The following THBS2 variants were observed in gnomAD, a reference collection of about 807,000 sequenced individuals.
THBS2 encodes the protein thrombospondin 2.
Under a neutral mutation model 135.2 loss-of-function variants are expected in THBS2, and 47 were observed. The ratio of observed to expected loss-of-function variants is 0.35; its 90% CI spans 0.28 to 0.44. The LOEUF (loss-of-function observed/expected upper bound fraction) is 0.44. Among genes scored for constraint, THBS2 ranks in the 20% least tolerant of loss-of-function variants. THBS2 has a pLI of 1.00. For missense variants in THBS2, 1,288 were observed against 1,603.1 expected (o/e 0.80, Z 3.36); for synonymous variants, 639 against 633.8 (o/e 1.01, Z -0.12).
At chr6:169,245,651 G>A (rs555540761) in intron 4 of THBS2, among the ~76,000 whole-genome samples, 12 of 152,112 alleles carry the variant, frequency 7.9e-5, no homozygotes, top group African/African-American at 2.9e-4. Context: ...AATTAGCTGG[G>A]TGTGGTGGCG....
At chr6:169,226,676 C>A (rs1779641943) in intron 15 of THBS2, among the ~76,000 whole-genome samples, 1 of 152,088 alleles carries the variant, frequency 6.6e-6, no homozygotes, top group Non-Finnish European at 1.5e-5. Context: ...CATCCATGCA[C>A]ATGAGTAGGA....
chr6:169,220,066 CAT>C lies in THBS2; in HGVS notation c.3511+130_3511+131del, dbSNP rs201735541. On this transcript the variant is annotated intron_variant, in intron 21 of 21. Transcript: ENST00000617924. The stretch of plus-strand genomic sequence containing the variant: ...GGCTGCTTGGAATGTGCAGGGGGCT[CAT>C]GTGTGGTATTGTGCATTAGGTTTAT... 2,146 of 1,171,492 alleles carry C rather than the reference CAT, an allele frequency of 1.8e-3. 28 individuals are homozygous for C. The African/African-American group carries it at 0.03, about 16-fold the overall frequency. The allele number at this position is 1,171,492 out of a possible 1,614,324, so 72.6% of individuals were successfully genotyped here. A position where few individuals can be genotyped will look rare whatever the true frequency, so the allele number is the denominator to read the frequency against.
Position 169,222,308 on chromosome 6 carries a change from G to A in THBS2, c.3162C>T (p.Pro1054=). The A allele has an allele frequency of 6.2e-7, 1 of 1,613,524 alleles. No individual in the cohort carries two copies. The highest frequency in any genetic ancestry group is 8.5e-7 in the Non-Finnish European group (1 of 1,180,036). ...QVTQTYWEDQ[P]TRAYGYSGVS... is the part of the protein sequence containing the mutation. ...CGCCGGAGTAGCCATAGGCCCGCGT[G>A]GGCTGGTCCTCCCAGTAGGTCTGCG... Residue 1054 remains proline, a synonymous_variant, in exon 19 of 22, where the codon CCC becomes CCT. Transcript: ENST00000617924.
intron 9 of THBS2, among the ~76,000 whole-genome samples, chr6:169,236,344 CCCCATCCACACTCCCCATCCACACTCACT>C (rs1780068705): frequency 1.7e-5 from 2 of 119,116 alleles, no homozygotes; most frequent in East Asian, 3.2e-4. Flanking sequence ...CACACTCACT[CCCCATCCACACTCCCCATCCACACTCACT>C]CCCATCCACA....
At chr6:169,236,223 AC>A (rs1780055461) in intron 9 of THBS2, among the ~76,000 whole-genome samples, 1 of 58,926 alleles carries the variant, frequency 1.7e-5, no homozygotes, top group Admixed American at 2.0e-4. Flanking sequence ...ATCCACACTC[AC>A]TCCCCATCCA....
chr6:169,238,494 C>T (rs543950589), intron 7 of THBS2, among the ~76,000 whole-genome samples: 74 of 152,322 alleles, frequency 4.9e-4, no homozygotes, highest in Non-Finnish European at 1.5e-4. Flanking sequence ...CTCCTGATAA[C>T]ATAAAATGTC....
chr6:169,223,261 G>A lies in THBS2; in HGVS notation c.2988C>T (p.Pro996=), dbSNP rs200242239. 1.1e-4 allele frequency: 173 copies of A among 1,613,444 alleles called. No homozygotes were observed. Among genetic ancestry groups the A allele is most frequent in the East Asian group, 9.6e-4 (43 of 44,848 alleles). The change falls in exon 18 of 22, where the codon CCC becomes CCT. Residue 996 remains proline (P), a synonymous_variant. Coordinates refer to ENST00000617924, the MANE Select transcript of THBS2 (RefSeq NM_003247.5). ...TCAGAGACTCACCTACAGCGATGCC[G>A]GGGTCCGAGTTGGCTGTCTGAACCA... ...KELVQTANSD[P]GIAVGFDEFG...
chr6:169,228,363 T>C (rs1183402781), intron 14 of THBS2, 82 bp from the exon 15 acceptor site: 1 of 1,489,342 alleles, frequency 6.7e-7, no homozygotes, highest in African/African-American at 1.4e-5. Context: ...AGTTATGTAC[T>C]CAAGGTTGAT....
At chr6:169,236,339 TCACTCCCCATCCA>T (rs1562360029) in intron 9 of THBS2, among the ~76,000 whole-genome samples, 3 of 35,108 alleles carry the variant, frequency 8.5e-5, no homozygotes, top group Non-Finnish European at 1.6e-4. Context: ...CCATCCACAC[TCACTCCCCATCCA>T]CACTCCCCAT....
At chr6:169,223,533 C>G in intron 17 of THBS2, 58 bp from the exon 18 acceptor site, 3 of 1,489,886 alleles carry the variant, frequency 2.0e-6, no homozygotes, top group Non-Finnish European at 2.8e-6. Context: ...AGTCGGTGGT[C>G]GGTGGTTTGC....
intron 17 of THBS2, 125 bp downstream of exon 17, chr6:169,225,020 G>GC: frequency 2.2e-6 from 2 of 914,144 alleles, no homozygotes; most frequent in Non-Finnish European, 3.5e-6. Flanking sequence ...GCTTTAAGAG[G>GC]CCCAAAGTCA....
intron 9 of THBS2, among the ~76,000 whole-genome samples, chr6:169,235,222 A>C (rs1046583588): frequency 6.6e-6 from 1 of 151,750 alleles, no homozygotes; most frequent in African/African-American, 2.4e-5. Flanking sequence ...GGGTCTCGCT[A>C]TGTTGCCCAG....
At chr6:169,245,588 C>A (rs184979370) in intron 4 of THBS2, among the ~76,000 whole-genome samples, 2 of 152,022 alleles carry the variant, frequency 1.3e-5, no homozygotes, top group African/African-American at 4.8e-5. Context: ...GTCAGGAGAT[C>A]GAGACCATCT....
At chr6:169,236,855 C>T (rs1358751069) in intron 9 of THBS2, among the ~76,000 whole-genome samples, 1 of 151,824 alleles carries the variant, frequency 6.6e-6, no homozygotes, top group Non-Finnish European at 1.5e-5. Context: ...CACTCACTCC[C>T]CCATCCACAC....
intron 17 of THBS2, among the ~76,000 whole-genome samples, chr6:169,224,159 G>T (rs2114979216): frequency 6.6e-6 from 1 of 152,328 alleles, no homozygotes; most frequent in South Asian, 2.1e-4. Context: ...AGGCAAGTTG[G>T]ATTGAATATC....
In THBS2 at chr6:169,253,016, G is replaced by A. The variant is rs78491790; in HGVS notation, c.-23+708C>T. On this transcript the variant is annotated intron_variant, in intron 1 of 21. Transcript: ENST00000617924. ...CCCACCTTCCTTAAGTGGTAGCCAG[G>A]CAACCTGCCAGCTCGCTTTTCATAT... 8.8e-3 allele frequency among the ~76,000 whole-genome samples: 1,344 copies of A among 152,216 alleles called. 71 individuals carry two copies. Among genetic ancestry groups the A allele is most frequent in the Admixed American group, 0.075 (1,146 of 15,276 alleles).
rs780914576 is a variant in THBS2, at chr6:169,222,266, C to T, written c.3204G>A (p.Val1068=). ...GCTCGCCCGTCCCCGTGGTGGAGTT[C>T]ACCACCTTGAGGGACACGCCGGAGT... The part of the protein sequence containing the change: ...YGYSGVSLKV[V]NSTTGTGEHL... Residue 1068 remains valine (V), a synonymous_variant, in exon 19 of 22, where the codon GTG becomes GTA. Transcript: ENST00000617924. 2.0e-5 allele frequency: 33 copies of T among 1,613,172 alleles called. No homozygotes were observed. The highest frequency in any genetic ancestry group is 2.5e-5 in the Non-Finnish European group (30 of 1,180,040).
chr6:169,231,885 G>T, intron 13 of THBS2, 95 bp downstream of exon 13: 3 of 1,405,982 alleles, frequency 2.1e-6, no homozygotes, highest in Non-Finnish European at 1.9e-6. Flanking sequence ...CAAATTCCCT[G>T]TGCTGCCCCC....
chr6:169,219,553 C>T (rs1779342884), intron 21 of THBS2, among the ~76,000 whole-genome samples: 1 of 152,120 alleles, frequency 6.6e-6, no homozygotes, highest in East Asian at 1.9e-4. Flanking sequence ...CCCTGTTGGC[C>T]AGGCTGGTCT....
Sources: gnomAD v4.1 joint callset for allele counts (sites outside exome capture counted in the v4.1 genomes callset) on GRCh38, gnomAD v4.1.1 for gene constraint, MANE v1.5 for transcripts, NCBI Gene and HGNC (gene_info 2026-07-23, HGNC 2026-07-21) for gene names.